Variants in SPEF2 observed in about 807,000 individuals in gnomAD.
The protein encoded by SPEF2 is sperm flagellar and cilia associated 2.
In SPEF2, 187 loss-of-function variants were observed where a neutral mutation model predicts 224.6. The ratio of observed to expected loss-of-function variants is 0.83; its 90% CI spans 0.74 to 0.94. The LOEUF (loss-of-function observed/expected upper bound fraction) is 0.94. SPEF2 is among the 40% of genes least tolerant of loss of function. The pLI is 0.00. For synonymous variants in SPEF2, 715 were observed against 707.3 expected (o/e 1.01, Z -0.17); for missense variants, 2,170 against 2,135.6 (o/e 1.02, Z -0.32).
rs1000788574 is a variant in SPEF2 at position 35,695,796 on chromosome 5, A to G, written c.2037A>G (p.Lys679=). 1.2e-6 allele frequency: 2 copies of G among 1,602,232 alleles called. No homozygotes were observed. Among genetic ancestry groups the G allele is most frequent in the Non-Finnish European group, 1.7e-6 (2 of 1,172,784 alleles). ...TCAAATCAAGTGATAGTTTCTTAAA[A>G]GTAAGTATTATGATCTAATTTTAGC... ...EEVKSSDSFL[K]LTTRAQLGAK... Residue 679 remains lysine, a splice_region_variant and synonymous_variant, in exon 14 of 37, where the codon AAA becomes AAG. Coordinates refer to ENST00000356031, the MANE Select transcript of SPEF2 (RefSeq NM_024867.4).
rs750896416 is a variant in SPEF2 at position 35,628,512 on chromosome 5, T to C, written c.111T>C (p.Val37=). Reference sequence around the variant, plus strand: ...CCAGTGGCTATCTACTTGGAGAAGTTCTACACAAGTTTGAACTTCAGGATG... The same window carrying C: ...CCAGTGGCTATCTACTTGGAGAAGTCCTACACAAGTTTGAACTTCAGGATG... The part of the protein sequence containing the change: ...AFSSGYLLGE[V]LHKFELQDDF... Residue 37 remains valine, a synonymous_variant, in exon 2 of 37, where the codon GTT becomes GTC. Transcript: ENST00000356031. 5.0e-6 allele frequency: 8 copies of C among 1,614,112 alleles called. No individual in the cohort carries two copies. Among genetic ancestry groups the C allele is most frequent in the Admixed American group, 1.7e-5 (1 of 60,008 alleles).
rs1214892520 is a variant in SPEF2 at position 35,800,071 on chromosome 5, T to C, written c.4934T>C (p.Val1645Ala). 1.2e-5 allele frequency: 20 copies of C among 1,613,632 alleles called. No homozygotes were observed. Among genetic ancestry groups the C allele is most frequent in the Non-Finnish European group, 1.7e-5 (20 of 1,179,944 alleles). ...TGCCACCCAGACACCGTGGAAGGAG[T>C]CTACAGGGCCCTCAGTGTGGCTGTT... ...FACHPDTVEGVYRALSVAVGT... is the reference protein window; with the variant it reads ...FACHPDTVEGAYRALSVAVGT... Residue 1645 changes from valine to alanine, a missense_variant, in exon 34 of 37, where the codon GTC becomes GCC. Transcript: ENST00000356031.
chr5:35,715,495 C>T (rs12520223), intron 20 of SPEF2, among the ~76,000 whole-genome samples: 102,848 of 151,886 alleles, frequency 0.68, 36,315 homozygotes, highest in Middle Eastern at 0.78. Flanking sequence ...TACATCATTC[C>T]GTGGCCCCTA....
rs150461244 is a variant in SPEF2 at position 35,788,453 on chromosome 5, G to A, written c.4448-3887G>A. The A allele has an allele frequency of 5.8e-3, 4,078 of 702,778 alleles. 44 individuals are homozygous for A. The highest frequency in any genetic ancestry group is 6.6e-3 in the Non-Finnish European group (2,545 of 384,960). The allele number at this position is 702,778 out of a possible 1,614,324, so 43.5% of individuals were successfully genotyped here. A position where few individuals can be genotyped will look rare whatever the true frequency, so the allele number is the denominator to read the frequency against. On this transcript the variant is annotated intron_variant, in intron 30 of 36. Transcript: ENST00000356031. ...ATTAGAAAAAAGTAAATTTTTCTCTGTCATCAGTGATGGAATCATAGACAG... is the reference window on the plus strand; with the variant it reads ...ATTAGAAAAAAGTAAATTTTTCTCTATCATCAGTGATGGAATCATAGACAG...
At chr5:35,803,872 C>T (rs551904614) in intron 34 of SPEF2, among the ~76,000 whole-genome samples, 16 of 152,270 alleles carry the variant, frequency 1.1e-4, no homozygotes, top group East Asian at 7.7e-4. Flanking sequence ...TTATTCAATG[C>T]GGCTCAGGCC....
At chr5:35,665,730 T>G (rs960919424) in intron 8 of SPEF2, among the ~76,000 whole-genome samples, 7 of 152,172 alleles carry the variant, frequency 4.6e-5, no homozygotes, top group African/African-American at 1.7e-4. Context: ...TCATGAATCA[T>G]GCCATAAAGC....
chr5:35,719,602 A>T (rs1743239152), intron 20 of SPEF2, among the ~76,000 whole-genome samples: 1 of 151,088 alleles, frequency 6.6e-6, no homozygotes, highest in African/African-American at 2.4e-5. Flanking sequence ...GGAGCTCCTG[A>T]ACCTGTTAGA....
intron 6 of SPEF2, among the ~76,000 whole-genome samples, chr5:35,654,182 C>T (rs1172896579): frequency 9.2e-5 from 14 of 151,740 alleles, no homozygotes; most frequent in Non-Finnish European, 1.8e-4. Context: ...ATCACTTGAA[C>T]CCAGGAGGCG....
Position 35,727,877 on chromosome 5 carries a change from T to G in SPEF2, c.3063+54T>G, listed in dbSNP as rs529080823. The G allele has an allele frequency of 5.7e-6, 9 of 1,571,162 alleles. No individual in the cohort carries two copies. In the African/African-American group the frequency reaches 8.1e-5, roughly 14 times the overall value. On this transcript the variant is annotated intron_variant, in intron 21 of 36. Coordinates refer to ENST00000356031, the MANE Select transcript of SPEF2 (RefSeq NM_024867.4). ...AATTCATTCTTTCTCCTGCATATAGTAAGATTCACACTGTCATTTGCAACA... is the reference window on the plus strand; with the variant it reads ...AATTCATTCTTTCTCCTGCATATAGGAAGATTCACACTGTCATTTGCAACA...
chr5:35,718,471 C>T (rs140147587), intron 20 of SPEF2, among the ~76,000 whole-genome samples: 6 of 152,080 alleles, frequency 3.9e-5, no homozygotes, highest in Non-Finnish European at 5.9e-5. Context: ...CCCTGGTTCC[C>T]GTTTCTTCCT....
Position 35,682,126 on chromosome 5 carries a change from A to T in SPEF2, c.1525-8911A>T, listed in dbSNP as rs77123457. 1.5e-3 allele frequency among the ~76,000 whole-genome samples: 234 copies of T among 152,302 alleles called. 1 individual carries two copies. Among genetic ancestry groups the T allele is most frequent in the African/African-American group, 5.4e-3 (223 of 41,560 alleles). ...CAGCCAAGCACACCTGCAGAGTGGT[A>T]GGCCAAGGGAAAGCTAGCCATAGAT... On this transcript the variant is annotated intron_variant, in intron 10 of 36. Coordinates refer to ENST00000356031, the MANE Select transcript of SPEF2 (RefSeq NM_024867.4).
chr5:35,759,677 T>G lies in SPEF2; in HGVS notation c.3578T>G (p.Leu1193Trp). The change falls in exon 25 of 37, where the codon TTG becomes TGG. Residue 1193 changes from leucine to tryptophan, a missense_variant. By Grantham distance (61) the Leu-to-Trp change is moderately conservative. Transcript: ENST00000356031. The part of the protein sequence containing the change: ...EDNKRFTRIP[L>W]VQLDSKDNSE... The stretch of plus-strand genomic sequence containing the variant: ...AACAAGAGATTTACTCGAATCCCTT[T>G]GGTCCAACTGGATAGTAAAGACAAT... 1 of 1,607,844 alleles carries G rather than the reference T, an allele frequency of 6.2e-7. No homozygotes were observed. The highest frequency in any genetic ancestry group is 8.5e-7 in the Non-Finnish European group (1 of 1,175,754).
intron 21 of SPEF2, among the ~76,000 whole-genome samples, chr5:35,732,948 A>G (rs1429575515): frequency 6.6e-6 from 1 of 152,166 alleles, no homozygotes; most frequent in Non-Finnish European, 1.5e-5. Context: ...CTGATTATGA[A>G]TTAAATTATA....
intron 5 of SPEF2, among the ~76,000 whole-genome samples, chr5:35,649,121 G>A (rs1747833685): frequency 6.6e-6 from 1 of 152,012 alleles, no homozygotes; most frequent in African/African-American, 2.4e-5. Context: ...TTGGTGCCCT[G>A]TCAAAATCAT....
chr5:35,750,638 A>T (rs1263976495), intron 23 of SPEF2, among the ~76,000 whole-genome samples: 1 of 152,100 alleles, frequency 6.6e-6, no homozygotes, highest in Non-Finnish European at 1.5e-5. Flanking sequence ...TCAAAACCAC[A>T]ATGTGATACC....
intron 1 of SPEF2, 29 bp from the exon 2 acceptor site, chr5:35,628,431 G>T: frequency 6.9e-7 from 1 of 1,448,292 alleles, no homozygotes. Context: ...TTGTATTCAT[G>T]GTTTTTATCT....
At chr5:35,709,333 A>T in intron 19 of SPEF2, 1 of 1,382,804 alleles carries the variant, frequency 7.2e-7, no homozygotes, top group African/African-American at 1.5e-5. Context: ...AGGAGGAGAC[A>T]TGGAGTCATC....
intron 5 of SPEF2, among the ~76,000 whole-genome samples, chr5:35,649,009 A>C (rs1747807582): frequency 6.7e-6 from 1 of 149,814 alleles, no homozygotes. Flanking sequence ...GTGAGACTCC[A>C]TCTCAAAAAA....
chr5:35,807,903 C>T (rs368289225), intron 36 of SPEF2: 82 of 1,448,728 alleles, frequency 5.7e-5, no homozygotes, highest in Admixed American at 3.0e-4. Flanking sequence ...CTGACACCAA[C>T]CCCCTTTCAT....
Sources: gnomAD v4.1 joint callset for allele counts (sites outside exome capture counted in the v4.1 genomes callset) on GRCh38, gnomAD v4.1.1 for gene constraint, MANE v1.5 for transcripts, NCBI Gene and HGNC (gene_info 2026-07-23, HGNC 2026-07-21) for gene names.